The following NPHP3 variants were observed in gnomAD, a reference collection of about 807,000 sequenced individuals.
NPHP3 encodes the protein nephrocystin 3.
In NPHP3, 123 loss-of-function variants were observed where a neutral mutation model predicts 171.9. The ratio of observed to expected loss-of-function variants is 0.72; its 90% CI spans 0.62 to 0.83. NPHP3 has a LOEUF of 0.83. NPHP3 is among the 40% of genes least tolerant of loss of function. NPHP3 has a pLI of 0.00. For synonymous variants in NPHP3, 558 were observed against 579.2 expected (o/e 0.96, Z 0.52); for missense variants, 1,506 against 1,591.9 (o/e 0.95, Z 0.92).
chr3:132,688,452 G>A (rs931599929), intron 21 of NPHP3, among the ~76,000 whole-genome samples, 198 bp downstream of exon 21: 3 of 152,078 alleles, frequency 2.0e-5, no homozygotes, highest in East Asian at 1.9e-4. Flanking sequence ...TATATGACTC[G>A]AAAGTCCATG....
chr3:132,713,018 T>A (rs564725088), intron 6 of NPHP3, 108 bp downstream of exon 6: 88 of 560,144 alleles, frequency 1.6e-4, no homozygotes, highest in African/African-American at 1.2e-3. Flanking sequence ...TTTCATGGAT[T>A]TTTTTATTAT....
At chr3:132,702,330 G>C (rs1939633936) in intron 9 of NPHP3, among the ~76,000 whole-genome samples, 1 of 152,028 alleles carries the variant, frequency 6.6e-6, no homozygotes, top group South Asian at 2.1e-4. Flanking sequence ...GTTTTGTCTG[G>C]GGACTTGGAG....
Position 132,690,552 on chromosome 3 carries a change from A to T in NPHP3, c.2669T>A (p.Phe890Tyr), listed in dbSNP as rs1460474662. ...QKLHDCLLNL[F>Y]VSQNLYKRGH... Reference sequence around the variant, plus strand: ...CCTTTTATAAAGGTTTTGAGACACAAAGAGATTAAGAAGGCAATCATGCAG... The same window carrying T: ...CCTTTTATAAAGGTTTTGAGACACATAGAGATTAAGAAGGCAATCATGCAG... Residue 890 changes from phenylalanine to tyrosine, a missense_variant, in exon 19 of 27, where the codon TTT (phenylalanine) becomes TAT (tyrosine). By Grantham distance (22) the Phe-to-Tyr change is conservative (BLOSUM62 3). Transcript: ENST00000337331. The T allele has an allele frequency of 1.2e-6, 2 of 1,613,678 alleles. No homozygotes were observed. The highest frequency in any genetic ancestry group is 4.5e-5 in the East Asian group (2 of 44,862).
Position 132,692,661 on chromosome 3 carries a change from T to C in NPHP3, c.2468A>G (p.His823Arg). ...TYGCGLLRFQHLQAWETVRLE... is the reference protein window; with the variant it reads ...TYGCGLLRFQRLQAWETVRLE... ...TGCCTAAAATAACATTACCTGCAGA[T>C]GTTGAAACCTAAGCAAGCCACATCC... Residue 823 changes from histidine (H) to arginine (R), a missense_variant, in exon 17 of 27, where the codon CAT (histidine) becomes CGT (arginine). Around this residue, in one of 3 missense-constraint regions of NPHP3, gnomAD observed 569 missense variants for 648.1 expected, o/e 0.88. Transcript: ENST00000337331. The C allele has an allele frequency of 6.2e-7, 1 of 1,613,708 alleles. No homozygotes were observed. Among genetic ancestry groups the C allele is most frequent in the Non-Finnish European group, 8.5e-7 (1 of 1,179,692 alleles).
At chr3:132,691,690 A>G (rs1260248932) in intron 17 of NPHP3, among the ~76,000 whole-genome samples, 1 of 152,218 alleles carries the variant, frequency 6.6e-6, no homozygotes, top group East Asian at 1.9e-4. Flanking sequence ...AATTGTATAT[A>G]TATATAAATC....
intron 21 of NPHP3, among the ~76,000 whole-genome samples, chr3:132,688,407 TAGTC>T (rs1237191944): frequency 1.3e-5 from 2 of 152,174 alleles, no homozygotes; most frequent in African/African-American, 4.8e-5. Context: ...CACTCAAAGT[TAGTC>T]AGTGAATGAG....
At chr3:132,694,536 T>C (rs1939395561) in intron 16 of NPHP3, among the ~76,000 whole-genome samples, 1 of 152,136 alleles carries the variant, frequency 6.6e-6, no homozygotes, top group Non-Finnish European at 1.5e-5. Flanking sequence ...ATGCAGAACA[T>C]TTAAGACACC....
intron 7 of NPHP3, among the ~76,000 whole-genome samples, chr3:132,706,875 T>C (rs1048037557): frequency 6.6e-6 from 1 of 152,210 alleles, no homozygotes; most frequent in African/African-American, 2.4e-5. Context: ...AAACAAAGAA[T>C]GAAATGGCTC....
Position 132,700,346 on chromosome 3 carries a change from T to C in NPHP3, c.1731A>G (p.Arg577=). Reference sequence around the variant, plus strand: ...TGGGATACTATACCTTTAGAGTTAGTCGTTTAATAATCAAGGAGGACTCTG... The same window carrying C: ...TGGGATACTATACCTTTAGAGTTAGCCGTTTAATAATCAAGGAGGACTCTG... The part of the protein sequence containing the change: ...TSSESSLIIK[R]LTLKLMQHSW... Residue 577 remains arginine (R), a synonymous_variant, in exon 11 of 27, where the codon CGA becomes CGG. Coordinates refer to ENST00000337331, the MANE Select transcript of NPHP3 (RefSeq NM_153240.5). 6.3e-7 allele frequency: 1 copy of C among 1,598,832 alleles called. No homozygotes were observed. The highest frequency in any genetic ancestry group is 8.6e-7 in the Non-Finnish European group (1 of 1,166,242).
At chr3:132,710,357 A>T (rs1346991590) in intron 6 of NPHP3, among the ~76,000 whole-genome samples, 4 of 152,094 alleles carry the variant, frequency 2.6e-5, no homozygotes, top group African/African-American at 9.7e-5. Flanking sequence ...AAAAAAAAAA[A>T]AAAAGCTGAA....
At chr3:132,714,824 C>A (rs1940006747) in intron 5 of NPHP3, among the ~76,000 whole-genome samples, 1 of 152,190 alleles carries the variant, frequency 6.6e-6, no homozygotes, top group African/African-American at 2.4e-5. Context: ...TTAAAACCTT[C>A]TTTTTCTGTC....
intron 11 of NPHP3, 100 bp downstream of exon 11, chr3:132,700,234 G>T: frequency 8.7e-7 from 1 of 1,144,180 alleles, no homozygotes; most frequent in Non-Finnish European, 1.3e-6. Flanking sequence ...CAAAACAGGT[G>T]GATAATACTG....
At chr3:132,720,804 A>G (rs1370248688) in intron 1 of NPHP3, among the ~76,000 whole-genome samples, 1 of 152,154 alleles carries the variant, frequency 6.6e-6, no homozygotes, top group East Asian at 1.9e-4. Flanking sequence ...GGCTGCCTAT[A>G]AGTCTCTCCC....
intron 12 of NPHP3, 99 bp from the exon 13 acceptor site, chr3:132,699,549 T>C (rs184384458): frequency 3.9e-5 from 33 of 850,226 alleles, no homozygotes; most frequent in Admixed American, 2.8e-4. Context: ...ATTAAGTTTA[T>C]CTTATTAAGG....
At chr3:132,719,666 T>A in intron 2 of NPHP3, 39 bp downstream of exon 2, 1 of 1,384,822 alleles carries the variant, frequency 7.2e-7, no homozygotes, top group Admixed American at 2.1e-5. Flanking sequence ...TACTATTTTA[T>A]TCTATGTTGC....
At chr3:132,721,915 C>A in intron 1 of NPHP3, 48 bp downstream of exon 1, 3 of 1,600,764 alleles carry the variant, frequency 1.9e-6, no homozygotes, top group Non-Finnish European at 2.6e-6. Context: ...AGCAGGACGG[C>A]CGTGCTTCCC....
At position 132,719,726 on chromosome 3, in the gene NPHP3, ATC is replaced by A. The variant is rs770559130; in HGVS notation, c.496_497del (p.Asp166Ter). On this transcript the variant is annotated frameshift_variant, in exon 2 of 27. Transcript: ENST00000337331. LOFTEE classifies it high-confidence loss of function. ...ERAATFEHDR[D>X]KVKRQFKIFR... is the part of the protein sequence containing the mutation. ...TTACCTTGAATTGCCTTTTAACTTTATCTCTGTCATGTTCAAATGTTGCTGCT... is the reference window on the plus strand; with the variant it reads ...TTACCTTGAATTGCCTTTTAACTTTATCTGTCATGTTCAAATGTTGCTGCT... The A allele has an allele frequency of 6.4e-7, 1 of 1,562,976 alleles. No homozygotes were observed. The highest frequency in any genetic ancestry group is 8.7e-7 in the Non-Finnish European group (1 of 1,151,280).
At chr3:132,705,283 G>C (rs989969699) in intron 8 of NPHP3, among the ~76,000 whole-genome samples, 25 of 151,962 alleles carry the variant, frequency 1.6e-4, no homozygotes, top group African/African-American at 6.0e-4. Flanking sequence ...AAACTTCATA[G>C]AGACTTCCAG....
chr3:132,690,690 A>G, intron 18 of NPHP3, 40 bp from the exon 19 acceptor site: 6 of 1,608,172 alleles, frequency 3.7e-6, no homozygotes, highest in Non-Finnish European at 5.1e-6. Context: ...ATCTTCCTAC[A>G]ATGAGACTGC....
Sources: allele counts gnomAD v4.1 joint callset (sites outside exome capture counted in the v4.1 genomes callset), GRCh38; gene constraint gnomAD v4.1.1; regional missense constraint gnomAD v4.1.1; transcripts MANE v1.5; gene names NCBI Gene and HGNC (gene_info 2026-07-23, HGNC 2026-07-21).